DACH1: variants seen among roughly 807,000 people sequenced by gnomAD.
DACH1 encodes dachshund homolog 1.
A neutral mutation model predicts 54.2 loss-of-function variants in DACH1; 12 were observed. The observed-to-expected ratio is 0.22, with a 90% CI of 0.14 to 0.36. The LOEUF is 0.36. DACH1 is among the 10% of genes least tolerant of loss of function. The pLI is 1.00. For missense variants in DACH1, 805 were observed against 929.8 expected (o/e 0.87, Z 1.75); for synonymous variants, 386 against 366.2 (o/e 1.05, Z -0.62).
intron 10 of DACH1, among the ~76,000 whole-genome samples, chr13:71,461,342 C>T (rs1020752112): frequency 1.3e-5 from 2 of 151,896 alleles, no homozygotes; most frequent in South Asian, 4.1e-4. Context: ...TTCAAAAGAG[C>T]TTTGGGAGCT....
At chr13:71,864,214 C>CACACACA (rs35136330) in intron 1 of DACH1, among the ~76,000 whole-genome samples, 3,108 of 113,162 alleles carry the variant, frequency 0.027, 47 homozygotes, top group East Asian at 0.11. Context: ...CACACACACA[C>CACACACA]AACATTTACC....
chr13:71,786,223 C>T (rs1375758879), intron 1 of DACH1, among the ~76,000 whole-genome samples: 1 of 152,172 alleles, frequency 6.6e-6, no homozygotes, highest in African/African-American at 2.4e-5. Context: ...ATACAATTAG[C>T]TTATGCACAT....
chr13:71,556,711 C>G (rs1884275109), intron 6 of DACH1, among the ~76,000 whole-genome samples: 1 of 151,558 alleles, frequency 6.6e-6, no homozygotes, highest in East Asian at 1.9e-4. Flanking sequence ...ATGACAGTGA[C>G]CCTGAAGGTA....
chr13:71,829,706 C>T (rs1304977589), intron 1 of DACH1, among the ~76,000 whole-genome samples: 1 of 151,856 alleles, frequency 6.6e-6, no homozygotes, highest in Non-Finnish European at 1.5e-5. Flanking sequence ...CAGGTGCAAC[C>T]ATTTTGCTTC....
At chr13:71,768,323 C>T (rs1048782462) in intron 1 of DACH1, among the ~76,000 whole-genome samples, 2 of 151,948 alleles carry the variant, frequency 1.3e-5, no homozygotes, top group Admixed American at 6.6e-5. Flanking sequence ...GTCGATTTCT[C>T]TAATGACTAG....
At chr13:71,811,417 C>T (rs983531978) in intron 1 of DACH1, among the ~76,000 whole-genome samples, 1 of 152,102 alleles carries the variant, frequency 6.6e-6, no homozygotes, top group Non-Finnish European at 1.5e-5. Context: ...AGTACAACTT[C>T]CAGATGTTAG....
At chr13:71,814,155 G>A (rs1887824415) in intron 1 of DACH1, among the ~76,000 whole-genome samples, 1 of 152,154 alleles carries the variant, frequency 6.6e-6, no homozygotes, top group Admixed American at 6.5e-5. Context: ...CATTGTGCTT[G>A]TCTATAAAGT....
intron 4 of DACH1, among the ~76,000 whole-genome samples, chr13:71,571,749 T>C (rs887960151): frequency 6.0e-5 from 9 of 149,014 alleles, no homozygotes; most frequent in African/African-American, 1.5e-4. Flanking sequence ...TTTTTTTTTT[T>C]CTTTGAGACG....
rs570648122 is a variant in DACH1 at position 71,623,173 on chromosome 13, CCA to C, written c.1126+7381_1126+7382del. 9.9e-5 allele frequency among the ~76,000 whole-genome samples: 15 copies of C among 151,522 alleles called. No homozygotes were observed. In the East Asian group the frequency reaches 2.1e-3, roughly 22 times the overall value. On this transcript the variant is annotated intron_variant, in intron 3 of 10. Coordinates refer to ENST00000613252, the MANE Select transcript of DACH1 (RefSeq NM_080759.6). ...TTTTTTAATATAGAAATGTATTTTT[CCA>C]CAGTCACCTGTTGCCATCATTAATG...
At chr13:71,531,471 G>A (rs1382990092) in intron 6 of DACH1, among the ~76,000 whole-genome samples, 1 of 151,998 alleles carries the variant, frequency 6.6e-6, no homozygotes, top group Non-Finnish European at 1.5e-5. Context: ...AACTATGGAT[G>A]AGGCCCTCTA....
chr13:71,668,214 A>G (rs1879975402), intron 2 of DACH1, among the ~76,000 whole-genome samples: 2 of 152,036 alleles, frequency 1.3e-5, no homozygotes, highest in African/African-American at 4.8e-5. Flanking sequence ...TTGATAATAT[A>G]GCATCACATT....
chr13:71,785,520 A>G (rs1308044267), intron 1 of DACH1, among the ~76,000 whole-genome samples: 1 of 152,182 alleles, frequency 6.6e-6, no homozygotes, highest in African/African-American at 2.4e-5. Flanking sequence ...TTTAATGACA[A>G]TCATATCTGT....
chr13:71,833,072 G>A (rs1566530482), intron 1 of DACH1, among the ~76,000 whole-genome samples: 1 of 151,926 alleles, frequency 6.6e-6, no homozygotes, highest in African/African-American at 2.4e-5. Context: ...AGATCTATGT[G>A]AATAGAACGT....
intron 6 of DACH1, among the ~76,000 whole-genome samples, chr13:71,498,704 G>C (rs904166961): frequency 2.0e-5 from 3 of 151,726 alleles, no homozygotes; most frequent in Admixed American, 6.6e-5. Context: ...CTGAATTTTG[G>C]GGAAGACTTA....
rs556242341 is a variant in DACH1, at chr13:71,759,859, G to C, written c.849-77949C>G. ...GAGCAATGTCAATAGTTTAGAAAGA[G>C]TTTACTTAGAGAACAAAGGGCCCTT... On this transcript the variant is annotated intron_variant, in intron 1 of 10. Coordinates refer to ENST00000613252, the MANE Select transcript of DACH1 (RefSeq NM_080759.6). 4.6e-5 allele frequency among the ~76,000 whole-genome samples: 7 copies of C among 152,204 alleles called. 1 individual carries two copies. The highest frequency in any genetic ancestry group is 7.2e-5 in the African/African-American group (3 of 41,552).
chr13:71,853,893 C>T (rs562712865), intron 1 of DACH1, among the ~76,000 whole-genome samples: 5 of 152,180 alleles, frequency 3.3e-5, no homozygotes, highest in South Asian at 4.1e-4. Flanking sequence ...AAGTTATTAT[C>T]GGCCCAATTC....
intron 3 of DACH1, among the ~76,000 whole-genome samples, chr13:71,595,144 G>A (rs1353964329): frequency 6.6e-6 from 1 of 152,098 alleles, no homozygotes; most frequent in African/African-American, 2.4e-5. Context: ...AGGATCTCAA[G>A]AAGATGGCTG....
At chr13:71,729,246 CTTTTT>C (rs1397417933) in intron 1 of DACH1, among the ~76,000 whole-genome samples, 3 of 151,872 alleles carry the variant, frequency 2.0e-5, no homozygotes, top group Non-Finnish European at 1.5e-5. Flanking sequence ...AATTTGCTTT[CTTTTT>C]ATTTTTCATA....
rs914735912 is a variant in DACH1, at chr13:71,477,007, C to A, written c.1871-1158G>T. Reference sequence around the variant, plus strand: ...AGCAACATTTTTAAAGCAGAATAATCAAATTATAAAATAATAACGACTCAA... The same window carrying A: ...AGCAACATTTTTAAAGCAGAATAATAAAATTATAAAATAATAACGACTCAA... On this transcript the variant is annotated intron_variant, in intron 8 of 10. Transcript: ENST00000613252. Among the ~76,000 whole-genome samples, 7 of 137,612 alleles carry A rather than the reference C, an allele frequency of 5.1e-5. No individual in the cohort carries two copies. In the South Asian group the frequency reaches 1.6e-3, roughly 32 times the overall value. The allele number at this position is 137,612 out of a possible 152,430, so 90.3% of individuals were successfully genotyped here.
Sources: allele counts gnomAD v4.1 joint callset (sites outside exome capture counted in the v4.1 genomes callset), GRCh38; gene constraint gnomAD v4.1.1; transcripts MANE v1.5; gene names NCBI Gene and HGNC (gene_info 2026-07-23, HGNC 2026-07-21).